The following GRID1 variants were observed in gnomAD, a reference collection of about 807,000 sequenced individuals.
The protein encoded by GRID1 is glutamate receptor ionotropic, delta-1.
Under a neutral mutation model 98.0 loss-of-function variants are expected in GRID1, and 28 were observed. The ratio of observed to expected loss-of-function variants is 0.29; its 90% CI spans 0.21 to 0.39. GRID1 has a LOEUF of 0.39. Ranked by LOEUF, GRID1 falls within the 10% of genes least tolerant of loss-of-function variation. GRID1 has a pLI of 1.00. For missense variants in GRID1, 1,111 were observed against 1,340.5 expected, an observed-to-expected ratio of 0.83 and a Z score of 2.67; for synonymous variants, 553 against 538.5, an observed-to-expected ratio of 1.03 and a Z score of -0.37.
At chr10:85,671,082 A>G (rs1304233357) in intron 12 of GRID1, among the ~76,000 whole-genome samples, 3 of 152,162 alleles carry the variant, frequency 2.0e-5, no homozygotes, top group African/African-American at 4.8e-5. Flanking sequence ...GTACTCTTTA[A>G]TCCTTTCTTT....
chr10:85,867,409 G>A (rs1843231921), intron 6 of GRID1, among the ~76,000 whole-genome samples: 1 of 152,150 alleles, frequency 6.6e-6, no homozygotes, highest in Admixed American at 6.5e-5. Flanking sequence ...ACCCTGCAGG[G>A]AGTGAGACCC....
intron 4 of GRID1, among the ~76,000 whole-genome samples, chr10:86,046,597 C>T (rs1330990736): frequency 6.6e-6 from 1 of 152,120 alleles, no homozygotes; most frequent in Non-Finnish European, 1.5e-5. Flanking sequence ...TTTATTGCCC[C>T]CCATGAGTTG....
intron 12 of GRID1, among the ~76,000 whole-genome samples, chr10:85,673,516 T>G (rs1841110726): frequency 6.6e-6 from 1 of 152,296 alleles, no homozygotes; most frequent in Middle Eastern, 3.4e-3. Context: ...CCACAGCCAC[T>G]CCTACCTTTA....
At chr10:86,177,643 A>G (rs61857804) in intron 3 of GRID1, among the ~76,000 whole-genome samples, 22,928 of 151,296 alleles carry the variant, frequency 0.15, 2,749 homozygotes, top group African/African-American at 0.33. Flanking sequence ...TAGCATGTGT[A>G]TGCATGTGTG....
At chr10:86,060,359 T>C (rs1843632104) in intron 4 of GRID1, among the ~76,000 whole-genome samples, 1 of 152,196 alleles carries the variant, frequency 6.6e-6, no homozygotes, top group Non-Finnish European at 1.5e-5. Flanking sequence ...CCAGCATTTA[T>C]AGGAACTAGC....
rs368274496 is a variant in GRID1, at chr10:85,636,297, A to C, written c.2193+10905T>G. Among the ~76,000 whole-genome samples, 3 of 152,218 alleles carry C rather than the reference A, an allele frequency of 2.0e-5. No individual in the cohort carries two copies. In the East Asian group the frequency reaches 5.8e-4, roughly 29 times the overall value. Reference sequence around the variant, plus strand: ...TTTTAGGAGGAAAAGTGTCATGTCCACTTTTACATATTAACTGAGTTCAGC... The same window carrying C: ...TTTTAGGAGGAAAAGTGTCATGTCCCCTTTTACATATTAACTGAGTTCAGC... On this transcript the variant is annotated intron_variant, in intron 13 of 15. Coordinates refer to ENST00000327946, the MANE Select transcript of GRID1 (RefSeq NM_017551.3).
intron 4 of GRID1, among the ~76,000 whole-genome samples, chr10:85,938,223 G>T (rs1272042181): frequency 6.6e-6 from 1 of 152,112 alleles, no homozygotes; most frequent in East Asian, 1.9e-4. Flanking sequence ...CTGAATTAAG[G>T]AGAAAAATAC....
chr10:85,949,080 G>A (rs1473704249), intron 4 of GRID1, among the ~76,000 whole-genome samples: 1 of 152,188 alleles, frequency 6.6e-6, no homozygotes, highest in East Asian at 1.9e-4. Flanking sequence ...TATGGGAACA[G>A]AAGACGTGCT....
intron 2 of GRID1, among the ~76,000 whole-genome samples, chr10:86,221,258 A>G (rs1846250355): frequency 6.6e-6 from 1 of 152,186 alleles, no homozygotes; most frequent in African/African-American, 2.4e-5. Flanking sequence ...TAATACAACA[A>G]AACTCACAAA....
chr10:85,908,275 T>C (rs1841489572), intron 5 of GRID1, among the ~76,000 whole-genome samples: 2 of 152,156 alleles, frequency 1.3e-5, no homozygotes, highest in African/African-American at 4.8e-5. Context: ...AAGAATATTT[T>C]CTCTAAGAAA....
At chr10:85,634,291 T>TCACACACACACACA (rs1554860994) in intron 13 of GRID1, among the ~76,000 whole-genome samples, 1 of 102,952 alleles carries the variant, frequency 9.7e-6, no homozygotes, top group African/African-American at 4.1e-5. Context: ...TCTCTCTCTC[T>TCACACACACACACA]CACACACACA....
At chr10:85,772,134 A>G (rs1224206466) in intron 8 of GRID1, among the ~76,000 whole-genome samples, 1 of 152,212 alleles carries the variant, frequency 6.6e-6, no homozygotes, top group Non-Finnish European at 1.5e-5. Context: ...CTCAGACCAC[A>G]GTGCAATCAA....
intron 3 of GRID1, among the ~76,000 whole-genome samples, chr10:86,190,380 C>T (rs903721002): frequency 5.9e-5 from 9 of 152,214 alleles, no homozygotes; most frequent in African/African-American, 1.7e-4. Context: ...ACCCCACATA[C>T]CTCCTCCCTT....
intron 4 of GRID1, among the ~76,000 whole-genome samples, chr10:86,047,756 G>A (rs540471990): frequency 6.6e-6 from 1 of 152,246 alleles, no homozygotes; most frequent in Admixed American, 6.5e-5. Context: ...GGAAAAAAAT[G>A]ACTTTTAATC....
At chr10:86,069,444 C>T (rs1843767672) in intron 4 of GRID1, among the ~76,000 whole-genome samples, 1 of 152,076 alleles carries the variant, frequency 6.6e-6, no homozygotes, top group African/African-American at 2.4e-5. Context: ...GTCAGGAGAT[C>T]GAGACCACCC....
chr10:86,023,168 T>C (rs1165269429), intron 4 of GRID1, among the ~76,000 whole-genome samples: 2 of 152,110 alleles, frequency 1.3e-5, no homozygotes, highest in South Asian at 2.1e-4. Flanking sequence ...ATAGAGGCCC[T>C]GCGGAGGGAT....
At chr10:85,936,014 A>G (rs75611595) in intron 4 of GRID1, among the ~76,000 whole-genome samples, 2,074 of 152,152 alleles carry the variant, frequency 0.014, 40 homozygotes, top group African/African-American at 0.046. Flanking sequence ...TATCATGCCT[A>G]CCTTTCAGGG....
intron 4 of GRID1, among the ~76,000 whole-genome samples, chr10:86,093,691 G>A (rs115728379): frequency 0.012 from 1,855 of 152,116 alleles, 43 homozygotes; most frequent in African/African-American, 0.041. Context: ...AACAAGCAGT[G>A]GGATTGAAAT....
At chr10:86,183,734 G>A (rs1845690699) in intron 3 of GRID1, among the ~76,000 whole-genome samples, 1 of 152,242 alleles carries the variant, frequency 6.6e-6, no homozygotes, top group Non-Finnish European at 1.5e-5. Context: ...GAATTAAGCT[G>A]CTACTGAAAT....
Sources: allele counts gnomAD v4.1 joint callset (sites outside exome capture counted in the v4.1 genomes callset), GRCh38; gene constraint gnomAD v4.1.1; transcripts MANE v1.5; gene names NCBI Gene and HGNC (gene_info 2026-07-23, HGNC 2026-07-21).